CDK15: variants seen among roughly 807,000 people sequenced by gnomAD.
The protein encoded by CDK15 is cyclin dependent kinase 15.
In CDK15, 62 loss-of-function variants were observed where a neutral mutation model predicts 60.3. The observed-to-expected ratio is 1.03, with a 90% CI of 0.84 to 1.27. The LOEUF is 1.27. Ranked by LOEUF, CDK15 falls within the 50% of genes most tolerant of loss-of-function variation. The probability of loss-of-function intolerance (pLI) is 0.00; values close to 1 mark genes in which losing one functional copy is unlikely to be tolerated. For missense variants in CDK15, 541 were observed against 527.8 expected (o/e 1.03, Z -0.25); for synonymous variants, 194 against 195.7 (o/e 0.99, Z 0.07).
Position 201,890,891 on chromosome 2 carries a change from G to C in CDK15, c.1305G>C (p.Trp435Cys). 1 of 1,611,536 alleles carries C rather than the reference G, an allele frequency of 6.2e-7. No homozygotes were observed. The highest frequency in any genetic ancestry group is 8.5e-7 in the Non-Finnish European group (1 of 1,178,132). Residue 435 changes from tryptophan (W) to cysteine (C), a missense_variant, in exon 13 of 14, where the codon TGG (tryptophan) becomes TGC (cysteine). Physicochemically the swap from Trp to Cys is radical, Grantham distance 215. Transcript: ENST00000652192. ...GHHPAQFSKC[W>C] ...ACCCAGCCCAGTTTAGCAAATGCTG[G>C]TGAAAAGAAAGGGCGAGATCACCAA...
At chr2:201,829,416 T>C (rs1696652183) in intron 6 of CDK15, among the ~76,000 whole-genome samples, 1 of 152,186 alleles carries the variant, frequency 6.6e-6, no homozygotes, top group Non-Finnish European at 1.5e-5. Context: ...TAGCCGGAAC[T>C]GACGGGAAAA....
At position 201,845,844 on chromosome 2, in the gene CDK15, AAAG is replaced by A. The variant is rs1259455310; in HGVS notation, c.852-1535_852-1533del. 2.7e-4 allele frequency among the ~76,000 whole-genome samples: 22 copies of A among 82,634 alleles called. No individual in the cohort carries two copies. In the East Asian group the frequency reaches 2.7e-3, roughly 10 times the overall value. 54.2% of individuals were successfully genotyped at this position (82,634 alleles called of 152,430 possible). A position where few individuals can be genotyped will look rare whatever the true frequency, so the allele number is the denominator to read the frequency against. On this transcript the variant is annotated intron_variant, in intron 8 of 13. Coordinates refer to ENST00000652192, the MANE Select transcript of CDK15 (RefSeq NM_001366386.2). Reference sequence around the variant, plus strand: ...AAAGAGGTTTGCGGTTAAAAAAAAAAAAGAGAGAGAGAGAGAGAGAGAAGTATG... The same window carrying A: ...AAAGAGGTTTGCGGTTAAAAAAAAAAAGAGAGAGAGAGAGAGAGAAGTATG...
intron 4 of CDK15, among the ~76,000 whole-genome samples, chr2:201,817,886 A>C (rs1178801919): frequency 6.6e-6 from 1 of 152,232 alleles, no homozygotes; most frequent in Non-Finnish European, 1.5e-5. Context: ...TACTTATCTG[A>C]CACTTGTCTT....
intron 1 of CDK15, 46 bp downstream of exon 1, chr2:201,806,833 A>G: frequency 1.3e-6 from 2 of 1,589,618 alleles, no homozygotes; most frequent in Non-Finnish European, 1.7e-6. Flanking sequence ...TGATAAACCA[A>G]GGAGTTCAGA....
At chr2:201,878,674 G>C (rs1009059130) in intron 11 of CDK15, among the ~76,000 whole-genome samples, 1 of 152,160 alleles carries the variant, frequency 6.6e-6, no homozygotes, top group Non-Finnish European at 1.5e-5. Flanking sequence ...CCTTAACTGA[G>C]TGATTGCCAA....
intron 13 of CDK15, among the ~76,000 whole-genome samples, chr2:201,891,339 T>C (rs1699633735): frequency 6.6e-6 from 1 of 152,232 alleles, no homozygotes; most frequent in Non-Finnish European, 1.5e-5. Context: ...AATCTATTTG[T>C]ATAGACTCTA....
At position 201,895,340 on chromosome 2, in the gene CDK15, T is replaced by C. The variant is rs1207149636; in HGVS notation, c.*2073T>C. 1.3e-5 allele frequency: 2 copies of C among 152,254 alleles called. No homozygotes were observed. The highest frequency in any genetic ancestry group is 2.4e-5 in the African/African-American group (1 of 41,474). 9.4% of individuals were successfully genotyped at this position (152,254 alleles called of 1,614,324 possible). ...TTTTGTTATTAAAAAATTGATTTTA[T>C]TAAGTGGAAGTTGACAGAATTATCC... On this transcript the variant is annotated 3_prime_UTR_variant, in exon 14 of 14. Transcript: ENST00000652192.
At chr2:201,880,442 C>T (rs923386686) in intron 12 of CDK15, among the ~76,000 whole-genome samples, 1 of 152,200 alleles carries the variant, frequency 6.6e-6, no homozygotes, top group Non-Finnish European at 1.5e-5. Context: ...TACACATTTA[C>T]ACTCAGAAAT....
chr2:201,889,476 T>A (rs939427304), intron 12 of CDK15: 4 of 938,680 alleles, frequency 4.3e-6, no homozygotes, highest in Non-Finnish European at 5.1e-6. Context: ...GCATATATTA[T>A]CTTCTTTAAA....
chr2:201,876,781 AC>A (rs1238734044), intron 11 of CDK15, among the ~76,000 whole-genome samples: 3 of 152,096 alleles, frequency 2.0e-5, no homozygotes, highest in Non-Finnish European at 4.4e-5. Context: ...TTTAAAAAAA[AC>A]AAAAACAAAA....
chr2:201,832,209 C>G (rs1290153913), intron 6 of CDK15, among the ~76,000 whole-genome samples: 1 of 152,156 alleles, frequency 6.6e-6, no homozygotes, highest in East Asian at 1.9e-4. Context: ...CCACATCTGG[C>G]TAATTTTTGT....
intron 10 of CDK15, among the ~76,000 whole-genome samples, chr2:201,870,712 G>A (rs182523951): frequency 1.1e-3 from 171 of 152,242 alleles, no homozygotes; most frequent in Middle Eastern, 3.4e-3. Flanking sequence ...GCCTGGGTGA[G>A]ATCCTGTCTC....
intron 10 of CDK15, among the ~76,000 whole-genome samples, chr2:201,862,443 A>G (rs1012814680): frequency 3.9e-5 from 6 of 152,368 alleles, no homozygotes; most frequent in Admixed American, 2.0e-4. Context: ...AATGAAATCA[A>G]TGACTAAGAG....
At position 201,807,530 on chromosome 2, in the gene CDK15, T is replaced by C. The variant is rs771636326; in HGVS notation, c.160T>C (p.Ser54Pro). The C allele has an allele frequency of 6.2e-7, 1 of 1,614,188 alleles. No individual in the cohort carries two copies. The highest frequency in any genetic ancestry group is 2.2e-5 in the East Asian group (1 of 44,876). ...DLKEASCSMT[S>P]FHPRGLQAAR... ...AAAAGAAGCATCATGTTCCATGACTTCATTTCACCCCAGGGGACTTCAAGC... is the reference window on the plus strand; with the variant it reads ...AAAAGAAGCATCATGTTCCATGACTCCATTTCACCCCAGGGGACTTCAAGC... Residue 54 changes from serine to proline, a missense_variant, in exon 2 of 14, where the codon TCA becomes CCA. By Grantham distance (74) the Ser-to-Pro change is moderately conservative. Transcript: ENST00000652192.
chr2:201,871,431 G>A (rs1393781387), intron 10 of CDK15, among the ~76,000 whole-genome samples: 1 of 150,858 alleles, frequency 6.6e-6, no homozygotes, highest in African/African-American at 2.4e-5. Context: ...TTATAGGCAA[G>A]AGCCACCACG....
At chr2:201,869,230 G>A (rs563405783) in intron 10 of CDK15, among the ~76,000 whole-genome samples, 1 of 152,248 alleles carries the variant, frequency 6.6e-6, no homozygotes, top group African/African-American at 2.4e-5. Flanking sequence ...TCCTTTGCAG[G>A]GACATGGATG....
chr2:201,852,901 G>T (rs1430814230), intron 9 of CDK15, among the ~76,000 whole-genome samples: 2 of 152,120 alleles, frequency 1.3e-5, no homozygotes, highest in Non-Finnish European at 2.9e-5. Context: ...TATCCATTTT[G>T]TTGGCTTTAG....
intron 4 of CDK15, among the ~76,000 whole-genome samples, chr2:201,821,021 C>A (rs1172325876): frequency 6.6e-6 from 1 of 152,078 alleles, no homozygotes; most frequent in Non-Finnish European, 1.5e-5. Context: ...AGGGCATAAG[C>A]AATATCATCA....
chr2:201,861,822 A>G (rs1698413928), intron 10 of CDK15, among the ~76,000 whole-genome samples: 1 of 152,052 alleles, frequency 6.6e-6, no homozygotes, highest in Non-Finnish European at 1.5e-5. Context: ...CAGCCTCCCA[A>G]AGTGCTGGGA....
Sources: allele counts gnomAD v4.1 joint callset (sites outside exome capture counted in the v4.1 genomes callset), GRCh38; gene constraint gnomAD v4.1.1; transcripts MANE v1.5; gene names NCBI Gene and HGNC (gene_info 2026-07-23, HGNC 2026-07-21).